Variants in TIAM1 observed in about 807,000 individuals in gnomAD.
TIAM1 encodes TIAM Rac1 associated GEF 1.
TIAM1 carries 65 observed loss-of-function variants against 163.5 expected under a neutral mutation model. The ratio of observed to expected loss-of-function variants is 0.40; its 90% CI spans 0.33 to 0.49. The LOEUF (loss-of-function observed/expected upper bound fraction) is 0.49, where lower values mean the gene tolerates loss of function less well. Ranked by LOEUF, TIAM1 falls within the 20% of genes least tolerant of loss-of-function variation. The pLI, the probability that TIAM1 is intolerant of heterozygous loss-of-function variation, is 0.77. For synonymous variants in TIAM1, 833 were observed against 810.1 expected, an observed-to-expected ratio of 1.03 and a Z score of -0.48; for missense variants, 1,789 against 2,044.7, an observed-to-expected ratio of 0.87 and a Z score of 2.41.
chr21:31,270,194 C>T (rs1320041502), intron 3 of TIAM1, among the ~76,000 whole-genome samples: 5 of 152,074 alleles, frequency 3.3e-5, no homozygotes, highest in Non-Finnish European at 7.4e-5. Context: ...ACGGCTTCCA[C>T]AAGACTAGAA....
intron 2 of TIAM1, among the ~76,000 whole-genome samples, chr21:31,384,296 G>A (rs1316354371): frequency 6.8e-6 from 1 of 147,240 alleles, no homozygotes; most frequent in Non-Finnish European, 1.5e-5. Context: ...CAAGGGGGAA[G>A]ATACCCAAAT....
intron 2 of TIAM1, among the ~76,000 whole-genome samples, chr21:31,436,543 C>T (rs113503022): frequency 0.078 from 11,797 of 152,112 alleles, 1,511 homozygotes; most frequent in African/African-American, 0.26. Context: ...ACAAGAATCA[C>T]TTGAACCTGG....
chr21:31,531,142 C>T (rs2047955291), intron 1 of TIAM1, among the ~76,000 whole-genome samples: 1 of 152,200 alleles, frequency 6.6e-6, no homozygotes. Context: ...AAATTTACTG[C>T]CACCCACAGA....
At chr21:31,164,410 A>G (rs950890288) in intron 16 of TIAM1, among the ~76,000 whole-genome samples, 2 of 151,232 alleles carry the variant, frequency 1.3e-5, no homozygotes, top group Admixed American at 6.6e-5. Context: ...AAAAAAAATT[A>G]TGGGCAACAA....
chr21:31,451,771 G>A (rs580249), intron 2 of TIAM1, among the ~76,000 whole-genome samples: 140,225 of 141,432 alleles, frequency 0.99, 69,509 homozygotes, highest in Middle Eastern at 1. Flanking sequence ...GAGACACAGA[G>A]AGAGAGAGAG....
chr21:31,536,607 A>G (rs555589525), intron 1 of TIAM1, among the ~76,000 whole-genome samples: 1 of 152,358 alleles, frequency 6.6e-6, no homozygotes, highest in South Asian at 2.1e-4. Context: ...CTAAAAACCT[A>G]TAGTCACCCC....
chr21:31,465,214 A>T (rs973350599), intron 1 of TIAM1, among the ~76,000 whole-genome samples: 12 of 151,620 alleles, frequency 7.9e-5, no homozygotes, highest in South Asian at 2.1e-4. Flanking sequence ...TCAAAAAAAA[A>T]TTTTTCTTTT....
At chr21:31,151,538 A>C (rs756845455) in intron 19 of TIAM1, among the ~76,000 whole-genome samples, 1 of 152,172 alleles carries the variant, frequency 6.6e-6, no homozygotes, top group Non-Finnish European at 1.5e-5. Context: ...CAGGGAGCAG[A>C]GCATGGAGCA....
At chr21:31,136,983 A>G (rs2082645284) in intron 22 of TIAM1, among the ~76,000 whole-genome samples, 1 of 152,246 alleles carries the variant, frequency 6.6e-6, no homozygotes, top group Non-Finnish European at 1.5e-5. Flanking sequence ...CATGAGGTTT[A>G]GTCGCTCACC....
chr21:31,144,798 C>T (rs1319267374), intron 20 of TIAM1, among the ~76,000 whole-genome samples: 2 of 128,812 alleles, frequency 1.6e-5, no homozygotes, highest in African/African-American at 3.0e-5. Flanking sequence ...CACTGCGCTC[C>T]AGCCTGGGTG....
In TIAM1 at chr21:31,120,563, C is replaced by T. The variant is rs759265497; in HGVS notation, c.4581G>A (p.Arg1527=). The T allele has an allele frequency of 6.2e-7, 1 of 1,614,212 alleles. No homozygotes were observed. Among genetic ancestry groups the T allele is most frequent in the South Asian group, 1.1e-5 (1 of 91,082 alleles). ...GASVDRDLQE[R]LQATSISQRE... ...GCTGACTGATGGAGGTGGCCTGAAG[C>T]CGCTCCTGCAGGTCTCTGTCCACTG... The change falls in exon 28 of 28, where the codon CGG becomes CGA. Residue 1527 remains arginine (R), a synonymous_variant. Coordinates refer to ENST00000541036, the MANE Select transcript of TIAM1 (RefSeq NM_001353694.2). The surrounding 1 kb of genome is among the most constrained non-coding windows in gnomAD (Gnocchi z 4.2).
At position 31,298,638 on chromosome 21, in the gene TIAM1, T is replaced by C. The variant is rs1003296427; in HGVS notation, c.-188-21730A>G. Among the ~76,000 whole-genome samples, 9 of 151,960 alleles carry C rather than the reference T, an allele frequency of 5.9e-5. No homozygotes were observed. In the East Asian group the frequency reaches 1.7e-3, roughly 29 times the overall value. On this transcript the variant is annotated intron_variant, in intron 2 of 27. Transcript: ENST00000541036. ...TCAACCATAAAAGTACCACACATAA[T>C]AGACCATGAAGAAGGTAATCACTAA... is the stretch of plus-strand genomic sequence containing the variant.
chr21:31,510,576 G>T (rs2047180040), intron 1 of TIAM1, among the ~76,000 whole-genome samples: 1 of 152,154 alleles, frequency 6.6e-6, no homozygotes, highest in African/African-American at 2.4e-5. Flanking sequence ...ACTTTGGGAG[G>T]CCAAGGCGGA....
At chr21:31,505,941 G>A (rs973503553) in intron 1 of TIAM1, among the ~76,000 whole-genome samples, 1 of 150,412 alleles carries the variant, frequency 6.6e-6, no homozygotes, top group Admixed American at 6.6e-5. Flanking sequence ...CCCAGGAGGC[G>A]GAGGTTGCAC....
At chr21:31,448,974 G>GT (rs1033222319) in intron 2 of TIAM1, among the ~76,000 whole-genome samples, 11 of 150,726 alleles carry the variant, frequency 7.3e-5, no homozygotes, top group East Asian at 3.9e-4. Flanking sequence ...GCTTGTTTTG[G>GT]TTTTTTTTTC....
chr21:31,267,759 C>T (rs1052210307), intron 3 of TIAM1, among the ~76,000 whole-genome samples: 5 of 152,064 alleles, frequency 3.3e-5, no homozygotes, highest in African/African-American at 1.2e-4. Flanking sequence ...ATAGAAACTC[C>T]GCTCTCTGCT....
chr21:31,194,263 G>A (rs1452476392), intron 13 of TIAM1, among the ~76,000 whole-genome samples: 2 of 152,022 alleles, frequency 1.3e-5, no homozygotes, highest in Non-Finnish European at 2.9e-5. Flanking sequence ...AGTATAATTT[G>A]CTATTAAAAA....
intron 15 of TIAM1, among the ~76,000 whole-genome samples, chr21:31,168,282 G>A (rs2084336629): frequency 6.6e-6 from 1 of 151,902 alleles, no homozygotes. Context: ...AGTAGAAATG[G>A]GGTTTTGCCA....
At chr21:31,413,068 G>A (rs12626795) in intron 2 of TIAM1, among the ~76,000 whole-genome samples, 5,729 of 151,932 alleles carry the variant, frequency 0.038, 179 homozygotes, top group East Asian at 0.11. Context: ...TAACAAAATC[G>A]GACATGTATT....
Sources: allele counts gnomAD v4.1 joint callset (sites outside exome capture counted in the v4.1 genomes callset), GRCh38; gene constraint gnomAD v4.1.1; non-coding constraint Gnocchi (gnomAD v3.1); transcripts MANE v1.5; gene names NCBI Gene and HGNC (gene_info 2026-07-23, HGNC 2026-07-21).